ZBBX: variants seen among roughly 807,000 people sequenced by gnomAD.
ZBBX encodes zinc finger B-box domain-containing protein 1.
In ZBBX, 101 loss-of-function variants were observed where a neutral mutation model predicts 108.5. The ratio of observed to expected loss-of-function variants is 0.93; its 90% confidence interval spans 0.79 to 1.10. ZBBX has a LOEUF of 1.10. Ranked by LOEUF, ZBBX falls within the 50% of genes least tolerant of loss-of-function variation. ZBBX has a pLI of 0.00. For missense variants in ZBBX, 1,009 were observed against 941.4 expected, an observed-to-expected ratio of 1.07 and a Z score of -0.94; for synonymous variants, 356 against 323.4, an observed-to-expected ratio of 1.10 and a Z score of -1.08.
chr3:167,254,863 G>A (rs1723194352), intron 20 of ZBBX, among the ~76,000 whole-genome samples: 1 of 75,028 alleles, frequency 1.3e-5, no homozygotes, highest in Admixed American at 1.4e-4. Context: ...CAGGAAAGAA[G>A]CCTGTCACAT....
intron 13 of ZBBX, 142 bp downstream of exon 13, chr3:167,317,346 A>T (rs904699990): frequency 1.5e-6 from 1 of 686,132 alleles, no homozygotes; most frequent in Non-Finnish European, 2.3e-6. Context: ...AGTGTACATG[A>T]TTTTCATCTA....
chr3:167,383,055 C>T (rs550493421), upstream of ZBBX, among the ~76,000 whole-genome samples: 1 of 152,072 alleles, frequency 6.6e-6, no homozygotes, highest in African/African-American at 2.4e-5. Flanking sequence ...AACTGTATCA[C>T]ATGTATATTC....
intron 10 of ZBBX, 32 bp downstream of exon 10, chr3:167,333,795 A>C (rs772090959): frequency 2.2e-5 from 33 of 1,527,160 alleles, no homozygotes; most frequent in Admixed American, 2.1e-4. Context: ...TACATATGTC[A>C]GAAAATGTCT....
intron 19 of ZBBX, among the ~76,000 whole-genome samples, chr3:167,285,945 G>C (rs1729615535): frequency 6.6e-6 from 1 of 151,984 alleles, no homozygotes; most frequent in Admixed American, 6.6e-5. Flanking sequence ...TCCAACCAAG[G>C]GTAAGAGAAA....
intron 18 of ZBBX, among the ~76,000 whole-genome samples, chr3:167,297,733 G>A (rs1479177384): frequency 6.6e-6 from 1 of 151,790 alleles, no homozygotes; most frequent in Non-Finnish European, 1.5e-5. Context: ...GAATTGAATA[G>A]ACATTTCTCC....
At chr3:167,327,600 C>T (rs9874115) in intron 11 of ZBBX, among the ~76,000 whole-genome samples, 56,470 of 151,858 alleles carry the variant, frequency 0.37, 10,938 homozygotes, top group East Asian at 0.65. Flanking sequence ...AAGTCAGCTT[C>T]ATTTTAAAAC....
chr3:167,334,017 C>T (rs776153242), intron 9 of ZBBX, 32 bp from the exon 10 acceptor site: 8 of 1,415,776 alleles, frequency 5.7e-6, no homozygotes, highest in Non-Finnish European at 6.6e-6. Context: ...AATTAAAGCG[C>T]CTCATATGTT....
chr3:167,329,158 G>GC (rs1321070594), intron 10 of ZBBX, among the ~76,000 whole-genome samples: 4 of 152,106 alleles, frequency 2.6e-5, no homozygotes, highest in African/African-American at 9.7e-5. Context: ...TCCAGTCCAA[G>GC]CACACAAGAA....
At chr3:167,336,033 C>A (rs1436475371) in intron 9 of ZBBX, among the ~76,000 whole-genome samples, 1 of 151,944 alleles carries the variant, frequency 6.6e-6, no homozygotes, top group Non-Finnish European at 1.5e-5. Flanking sequence ...GAATAAAGGT[C>A]TGTAGATTTC....
intron 20 of ZBBX, among the ~76,000 whole-genome samples, chr3:167,276,615 T>G (rs1346231452): frequency 6.6e-6 from 1 of 152,214 alleles, no homozygotes; most frequent in Non-Finnish European, 1.5e-5. Context: ...AATCTACGTC[T>G]GACTGGTGTA....
chr3:167,290,293 T>C (rs1421843764), intron 18 of ZBBX, among the ~76,000 whole-genome samples: 1 of 152,138 alleles, frequency 6.6e-6, no homozygotes, highest in Non-Finnish European at 1.5e-5. Context: ...CAGACACCTC[T>C]TACAGGAGAG....
At chr3:167,189,788 ATAT>A in the ZBBX span, among the ~76,000 whole-genome samples, 1 of 152,210 alleles carries the variant, frequency 6.6e-6, no homozygotes, top group Non-Finnish European at 1.5e-5. Flanking sequence ...CTGCACTGAT[ATAT>A]TATTATCACC....
intron 4 of ZBBX, among the ~76,000 whole-genome samples, chr3:167,370,887 T>C (rs574129429): frequency 2.0e-5 from 3 of 152,282 alleles, no homozygotes; most frequent in African/African-American, 4.8e-5. Flanking sequence ...AACTACGTGA[T>C]TAGAGGCAAC....
intron 18 of ZBBX, among the ~76,000 whole-genome samples, chr3:167,291,331 G>C (rs1408448537): frequency 1.3e-5 from 2 of 151,960 alleles, no homozygotes; most frequent in Non-Finnish European, 2.9e-5. Context: ...CCGACAAAGG[G>C]AGGCCCATCA....
intron 10 of ZBBX, among the ~76,000 whole-genome samples, chr3:167,330,868 G>GAAGAAGAAGAAGAAGAAGA (rs1553820652): frequency 0.02 from 844 of 43,078 alleles, 26 homozygotes; most frequent in Admixed American, 0.055. Flanking sequence ...GGAGGAGGAG[G>GAAGAAGAAGAAGAAGAAGA]AGGAGAAGAA....
the ZBBX span, among the ~76,000 whole-genome samples, chr3:167,193,646 T>C: frequency 6.6e-6 from 1 of 152,166 alleles, no homozygotes; most frequent in Non-Finnish European, 1.5e-5. Flanking sequence ...TTCTCCCATG[T>C]TCTCCCATGG....
intron 8 of ZBBX, among the ~76,000 whole-genome samples, chr3:167,358,133 A>C (rs1182321098): frequency 1.3e-5 from 2 of 151,758 alleles, no homozygotes; most frequent in Non-Finnish European, 2.9e-5. Context: ...TAACCTGCAC[A>C]TTGTGCACAT....
At chr3:167,324,979 C>T (rs1737097991) in intron 11 of ZBBX, among the ~76,000 whole-genome samples, 1 of 152,114 alleles carries the variant, frequency 6.6e-6, no homozygotes, top group African/African-American at 2.4e-5. Flanking sequence ...TTCAATTAAC[C>T]AACCCGCCCA....
the ZBBX span, among the ~76,000 whole-genome samples, chr3:167,194,524 G>A: frequency 0.051 from 7,821 of 152,106 alleles, 557 homozygotes; most frequent in African/African-American, 0.16. Context: ...ACTCCTGTGC[G>A]TATTTCAGAA....
Sources: gnomAD v4.1 joint callset for allele counts (sites outside exome capture counted in the v4.1 genomes callset) on GRCh38, gnomAD v4.1.1 for gene constraint, MANE v1.5 for transcripts, NCBI Gene and HGNC (gene_info 2026-07-23, HGNC 2026-07-21) for gene names.